The following GSG1L variants were observed in gnomAD, a reference collection of about 807,000 sequenced individuals.
GSG1L encodes GSG1 like, also known as germ cell-specific gene 1-like protein.
Under a neutral mutation model 42.1 loss-of-function variants are expected in GSG1L, and 24 were observed. That is an observed-to-expected ratio of 0.57 (90% CI 0.41 to 0.80). GSG1L has a LOEUF of 0.80. GSG1L is among the 30% of genes least tolerant of loss of function. The pLI, the probability that GSG1L is intolerant of heterozygous loss-of-function variation, is 0.00. For missense variants in GSG1L, 445 were observed against 472.2 expected (o/e 0.94, Z 0.53); for synonymous variants, 215 against 203.5 (o/e 1.06, Z -0.48).
intron 4 of GSG1L, among the ~76,000 whole-genome samples, chr16:27,843,013 T>A (rs2083403748): frequency 6.6e-6 from 1 of 152,166 alleles, no homozygotes; most frequent in South Asian, 2.1e-4. Context: ...CACATCTACA[T>A]CACAGCACAG....
chr16:27,888,493 TTCTTTCTTTCTTTCTTTC>T lies in GSG1L; in HGVS notation c.398-3873_398-3856del, dbSNP rs2084073278. ...CTCTCTCTCTCTTTCCTTTCTTTCT[TTCTTTCTTTCTTTCTTTC>T]TTTCTTTCTTTCTTTCTTTCTTTCT... On this transcript the variant is annotated intron_variant, in intron 2 of 6. Transcript: ENST00000447459. 7.5e-4 allele frequency among the ~76,000 whole-genome samples: 5 copies of T among 6,630 alleles called. 1 individual carries two copies. The Admixed American group carries it at 0.012, about 16-fold the overall frequency. 4.3% of individuals were successfully genotyped at this position (6,630 alleles called of 152,430 possible).
intron 4 of GSG1L, among the ~76,000 whole-genome samples, chr16:27,839,531 G>A (rs1445668965): frequency 1.3e-5 from 2 of 152,230 alleles, no homozygotes; most frequent in Non-Finnish European, 2.9e-5. Context: ...TTCCAAGCAG[G>A]GGCCACAGAC....
chr16:27,963,727 G>A (rs1161252142), intron 1 of GSG1L, among the ~76,000 whole-genome samples: 3 of 152,096 alleles, frequency 2.0e-5, no homozygotes, highest in Admixed American at 1.3e-4. Flanking sequence ...CTCTGCCCCC[G>A]TTCCTGGTAC....
At chr16:27,885,093 G>A (rs188627980) in intron 2 of GSG1L, among the ~76,000 whole-genome samples, 1 of 152,256 alleles carries the variant, frequency 6.6e-6, no homozygotes, top group African/African-American at 2.4e-5. Flanking sequence ...CAGTTAGTGA[G>A]AGGTTCTGTG....
At chr16:28,012,021 G>A (rs563619050) in intron 1 of GSG1L, among the ~76,000 whole-genome samples, 3 of 152,040 alleles carry the variant, frequency 2.0e-5, no homozygotes, top group South Asian at 2.1e-4. Flanking sequence ...CCCTGCTTAC[G>A]AACTCTGAGA....
At chr16:28,056,241 T>G (rs1041224368) in intron 1 of GSG1L, among the ~76,000 whole-genome samples, 1 of 151,910 alleles carries the variant, frequency 6.6e-6, no homozygotes, top group South Asian at 2.1e-4. Flanking sequence ...CAATGATAGA[T>G]TGAATTAAGA....
At chr16:27,882,599 C>T (rs1223784481) in intron 3 of GSG1L, among the ~76,000 whole-genome samples, 1 of 152,182 alleles carries the variant, frequency 6.6e-6, no homozygotes, top group Admixed American at 6.5e-5. Flanking sequence ...ACGCTGTCCA[C>T]TCCACCTGGA....
intron 3 of GSG1L, among the ~76,000 whole-genome samples, chr16:27,869,282 G>A (rs996096910): frequency 1.3e-5 from 2 of 151,594 alleles, no homozygotes; most frequent in Non-Finnish European, 2.9e-5. Flanking sequence ...TTGCAGAGGG[G>A]TTTTGAGGAG....
intron 2 of GSG1L, among the ~76,000 whole-genome samples, chr16:27,895,452 C>G (rs180733283): frequency 9.2e-4 from 140 of 152,270 alleles, no homozygotes; most frequent in African/African-American, 3.2e-3. Flanking sequence ...GATACTGCAG[C>G]CGTGCAACAT....
chr16:27,955,433 C>T (rs1408587361), intron 2 of GSG1L, among the ~76,000 whole-genome samples: 1 of 151,540 alleles, frequency 6.6e-6, no homozygotes, highest in African/African-American at 2.4e-5. Flanking sequence ...AAAGTGAGAA[C>T]AGAAAATAAG....
At chr16:27,938,939 C>A (rs1370245511) in intron 2 of GSG1L, among the ~76,000 whole-genome samples, 1 of 152,144 alleles carries the variant, frequency 6.6e-6, no homozygotes, top group East Asian at 1.9e-4. Flanking sequence ...CCAACATGAA[C>A]AAACATGGAC....
rs529298810 is a variant in GSG1L, at chr16:27,833,157, G to T, written c.663-4201C>A. ...GTGGTGTGCAGTTTAAAGTAAGGCT[G>T]ATTGTTTATTTTTGCCAGTGAATGT... On this transcript the variant is annotated intron_variant, in intron 4 of 6. Transcript: ENST00000447459. 5.4e-3 allele frequency among the ~76,000 whole-genome samples: 824 copies of T among 152,230 alleles called. 7 individuals carry two copies. The highest frequency in any genetic ancestry group is 0.019 in the African/African-American group (796 of 41,516).
intron 4 of GSG1L, among the ~76,000 whole-genome samples, chr16:27,832,891 A>G (rs1177372418): frequency 6.6e-6 from 1 of 152,214 alleles, no homozygotes; most frequent in Non-Finnish European, 1.5e-5. Context: ...TGTGGTTTAC[A>G]AATATATTCT....
intron 2 of GSG1L, among the ~76,000 whole-genome samples, chr16:27,895,885 G>A (rs12448837): frequency 0.066 from 10,102 of 152,286 alleles, 644 homozygotes; most frequent in East Asian, 0.16. Flanking sequence ...ATTCCATTCC[G>A]ATGCCAATCG....
At chr16:28,037,390 A>G (rs893684055) in intron 1 of GSG1L, among the ~76,000 whole-genome samples, 1 of 152,192 alleles carries the variant, frequency 6.6e-6, no homozygotes, top group Non-Finnish European at 1.5e-5. Flanking sequence ...GATGAAGAAA[A>G]CACAGCCTCA....
At chr16:27,965,144 G>A (rs1166408710) in intron 1 of GSG1L, among the ~76,000 whole-genome samples, 1 of 151,836 alleles carries the variant, frequency 6.6e-6, no homozygotes, top group African/African-American at 2.4e-5. Flanking sequence ...TCAGCCTCCC[G>A]AGTAGCTGGA....
intron 1 of GSG1L, among the ~76,000 whole-genome samples, chr16:27,984,109 G>A (rs2085354003): frequency 6.6e-6 from 1 of 152,134 alleles, no homozygotes; most frequent in Non-Finnish European, 1.5e-5. Context: ...CTAGAGAAAG[G>A]ATATTTTTTG....
rs2086313911 is a variant in GSG1L at position 28,059,245 on chromosome 16, A to G, written c.349+3831T>C. Among the ~76,000 whole-genome samples the G allele has an allele frequency of 1.3e-5, 2 of 152,124 alleles. No homozygotes were observed. Among genetic ancestry groups the G allele is most frequent in the Non-Finnish European group, 2.9e-5 (2 of 68,020 alleles). Reference sequence around the variant, plus strand: ...AGCCTTGAACTTCCACCAGTTCTACAGGGGAGAGAGTTTTTGAGTTTGAAG... The same window carrying G: ...AGCCTTGAACTTCCACCAGTTCTACGGGGGAGAGAGTTTTTGAGTTTGAAG... On this transcript the variant is annotated intron_variant, in intron 1 of 6. Coordinates refer to ENST00000447459, the MANE Select transcript of GSG1L (RefSeq NM_001109763.2). The surrounding 1 kb of genome is among the most constrained non-coding windows in gnomAD (Gnocchi z 4.4).
At chr16:27,986,001 C>T (rs572312505) in intron 1 of GSG1L, among the ~76,000 whole-genome samples, 2 of 152,272 alleles carry the variant, frequency 1.3e-5, no homozygotes, top group Admixed American at 1.3e-4. Context: ...TAAAACTCTG[C>T]TCTCTTTTGC....
Sources: allele counts gnomAD v4.1 joint callset (sites outside exome capture counted in the v4.1 genomes callset), GRCh38; gene constraint gnomAD v4.1.1; non-coding constraint Gnocchi (gnomAD v3.1); transcripts MANE v1.5; gene names NCBI Gene and HGNC (gene_info 2026-07-23, HGNC 2026-07-21).